EXOC4: variants seen among roughly 807,000 people sequenced by gnomAD.
EXOC4 encodes the protein exocyst complex component 4.
Under a neutral mutation model 107.2 loss-of-function variants are expected in EXOC4, and 71 were observed. The ratio of observed to expected loss-of-function variants is 0.66; its 90% CI spans 0.55 to 0.81. The LOEUF is 0.81. Among genes scored for constraint, EXOC4 ranks in the 30% least tolerant of loss-of-function variants. The pLI, the probability that EXOC4 is intolerant of heterozygous loss-of-function variation, is 0.00. For missense variants in EXOC4, 1,108 were observed against 1,189.6 expected, an observed-to-expected ratio of 0.93 and a Z score of 1.01; for synonymous variants, 456 against 441.2, an observed-to-expected ratio of 1.03 and a Z score of -0.42.
intron 10 of EXOC4, among the ~76,000 whole-genome samples, chr7:133,667,074 A>G (rs1043104338): frequency 2.0e-5 from 3 of 152,144 alleles, no homozygotes; most frequent in Non-Finnish European, 2.9e-5. Flanking sequence ...TTTTGTAGGC[A>G]CAAATACTTG....
At chr7:133,716,535 A>G (rs576202027) in intron 10 of EXOC4, among the ~76,000 whole-genome samples, 3 of 152,358 alleles carry the variant, frequency 2.0e-5, no homozygotes, top group Admixed American at 2.0e-4. Context: ...TTTTTAATAT[A>G]GATTATGATA....
chr7:133,585,577 G>T (rs1801383709), intron 9 of EXOC4, among the ~76,000 whole-genome samples: 1 of 151,336 alleles, frequency 6.6e-6, no homozygotes, highest in Non-Finnish European at 1.5e-5. Context: ...AGTGAGCTGT[G>T]ACCACACCAC....
At chr7:133,778,647 T>C (rs1796396811) in intron 10 of EXOC4, among the ~76,000 whole-genome samples, 3 of 152,224 alleles carry the variant, frequency 2.0e-5, no homozygotes, top group Non-Finnish European at 4.4e-5. Context: ...GACCACTGAC[T>C]GTATCCCACG....
intron 17 of EXOC4, among the ~76,000 whole-genome samples, chr7:134,024,150 T>C (rs917166757): frequency 1.3e-5 from 2 of 152,164 alleles, no homozygotes; most frequent in African/African-American, 2.4e-5. Flanking sequence ...TGTCTTAAAA[T>C]AGCTCTTAAA....
At position 133,361,996 on chromosome 7, in the gene EXOC4, T is replaced by C. The variant is rs143840880; in HGVS notation, c.1007+5423T>C. On this transcript the variant is annotated intron_variant, in intron 6 of 17. Coordinates refer to ENST00000253861, the MANE Select transcript of EXOC4 (RefSeq NM_021807.4). ...TTATTTTTCTAACATGTTTGTCTCA[T>C]TGATTTGTAGGAACTCTTTACATAT... 7.2e-3 allele frequency among the ~76,000 whole-genome samples: 1,101 copies of C among 152,310 alleles called. 15 individuals carry two copies. The highest frequency in any genetic ancestry group is 0.025 in the African/African-American group (1,048 of 41,566).
At chr7:134,040,643 G>T (rs1795493072) in intron 17 of EXOC4, among the ~76,000 whole-genome samples, 1 of 152,178 alleles carries the variant, frequency 6.6e-6, no homozygotes, top group Admixed American at 6.5e-5. Context: ...AGCAATAAAG[G>T]CATGTCTTGG....
intron 13 of EXOC4, among the ~76,000 whole-genome samples, chr7:133,924,979 C>T (rs930502847): frequency 2.6e-5 from 4 of 152,116 alleles, no homozygotes; most frequent in African/African-American, 9.7e-5. Flanking sequence ...AATTAGAAGT[C>T]GAAAGCAAAG....
chr7:133,804,607 A>G (rs768414438), intron 10 of EXOC4, among the ~76,000 whole-genome samples: 6 of 152,192 alleles, frequency 3.9e-5, no homozygotes, highest in African/African-American at 7.2e-5. Context: ...CTTCCAGACA[A>G]TATATACTAT....
chr7:133,393,862 A>C (rs1003494231), intron 7 of EXOC4, among the ~76,000 whole-genome samples: 1 of 152,172 alleles, frequency 6.6e-6, no homozygotes, highest in Non-Finnish European at 1.5e-5. Flanking sequence ...TTGAATTTTA[A>C]ATGCTTTGTA....
intron 17 of EXOC4, among the ~76,000 whole-genome samples, chr7:134,020,996 A>T (rs942700844): frequency 3.9e-5 from 6 of 152,034 alleles, no homozygotes; most frequent in Middle Eastern, 3.4e-3. Flanking sequence ...AAAAAAAAAA[A>T]ATATGAAGGG....
At chr7:133,498,311 C>T (rs1799516908) in intron 9 of EXOC4, among the ~76,000 whole-genome samples, 1 of 152,182 alleles carries the variant, frequency 6.6e-6, no homozygotes, top group Non-Finnish European at 1.5e-5. Context: ...TGCGGCTGGG[C>T]ACGGTGGCTC....
At chr7:133,386,115 A>G (rs567771115) in intron 7 of EXOC4, among the ~76,000 whole-genome samples, 2 of 152,324 alleles carry the variant, frequency 1.3e-5, no homozygotes, top group South Asian at 2.1e-4. Context: ...ATCTCTGCAT[A>G]GAGATTTGTC....
chr7:133,379,358 T>G (rs1479195338), intron 7 of EXOC4, among the ~76,000 whole-genome samples: 3 of 152,120 alleles, frequency 2.0e-5, no homozygotes, highest in Non-Finnish European at 4.4e-5. Context: ...GTGGCACTTT[T>G]GAAAAATATG....
At chr7:133,861,430 C>A (rs149346043) in intron 11 of EXOC4, among the ~76,000 whole-genome samples, 3 of 152,188 alleles carry the variant, frequency 2.0e-5, no homozygotes, top group African/African-American at 7.2e-5. Context: ...GAAATAAATA[C>A]AATTTAAAAA....
chr7:133,857,147 CG>C (rs1798399779), intron 11 of EXOC4, among the ~76,000 whole-genome samples: 1 of 19,106 alleles, frequency 5.2e-5, no homozygotes, highest in Non-Finnish European at 9.0e-5. Context: ...TACACATACA[CG>C]TATATATATA....
At chr7:133,566,202 T>C (rs984117644) in intron 9 of EXOC4, among the ~76,000 whole-genome samples, 1 of 152,188 alleles carries the variant, frequency 6.6e-6, no homozygotes, top group Non-Finnish European at 1.5e-5. Context: ...GAATTATTTT[T>C]GGGGTTAGGA....
chr7:133,274,915 C>A, intron 1 of EXOC4, 67 bp from the exon 2 acceptor site: 1 of 1,277,240 alleles, frequency 7.8e-7, no homozygotes, highest in Non-Finnish European at 1.0e-6. Context: ...TTACTTTCTG[C>A]TTCACCTTTC....
intron 14 of EXOC4, among the ~76,000 whole-genome samples, chr7:133,939,226 T>A (rs1357402945): frequency 1.3e-5 from 2 of 152,222 alleles, no homozygotes; most frequent in Admixed American, 6.5e-5. Flanking sequence ...GAGCTTTTTT[T>A]AATCACCGTC....
intron 1 of EXOC4, 94 bp downstream of exon 1, chr7:133,253,281 C>G (rs936678344): frequency 3.5e-6 from 5 of 1,443,760 alleles, no homozygotes; most frequent in Non-Finnish European, 4.6e-6. Flanking sequence ...CCACCCTGCT[C>G]TCCCCTTTCC....
Sources: allele counts gnomAD v4.1 joint callset (sites outside exome capture counted in the v4.1 genomes callset), GRCh38; gene constraint gnomAD v4.1.1; transcripts MANE v1.5; gene names NCBI Gene and HGNC (gene_info 2026-07-23, HGNC 2026-07-21).